The following RBFOX1 variants were observed in gnomAD, a reference collection of about 807,000 sequenced individuals.
RBFOX1 encodes the protein RNA binding protein fox-1 homolog 1.
RBFOX1 carries 8 observed loss-of-function variants against 57.7 expected under a neutral mutation model. The observed-to-expected ratio is 0.14, with a 90% confidence interval of 0.08 to 0.25. The LOEUF is 0.25. RBFOX1 is among the 10% of genes least tolerant of loss of function. The pLI is 1.00. For missense variants in RBFOX1, 611 were observed against 548.5 expected, an observed-to-expected ratio of 1.11 and a Z score of -1.14; for synonymous variants, 326 against 222.4, an observed-to-expected ratio of 1.47 and a Z score of -4.15.
At chr16:5,477,624 A>G (rs369704349) in intron 2 of RBFOX1, among the ~76,000 whole-genome samples, 41 of 152,346 alleles carry the variant, frequency 2.7e-4, no homozygotes, top group African/African-American at 8.7e-4. Context: ...TATTTGATCC[A>G]TAGTCAGTAT....
At chr16:6,886,441 G>A (rs1363290116) in intron 3 of RBFOX1, among the ~76,000 whole-genome samples, 2 of 151,980 alleles carry the variant, frequency 1.3e-5, no homozygotes, top group African/African-American at 2.4e-5. Flanking sequence ...GATTGCAAAG[G>A]CATTCCAATT....
intron 4 of RBFOX1, among the ~76,000 whole-genome samples, chr16:7,444,245 A>T (rs772933122): frequency 2.5e-4 from 38 of 152,168 alleles, no homozygotes; most frequent in Non-Finnish European, 4.9e-4. Context: ...TCTATGTTCT[A>T]ACCTGTTTCC....
chr16:5,761,619 T>C (rs889865401), intron 3 of RBFOX1, among the ~76,000 whole-genome samples: 2 of 152,130 alleles, frequency 1.3e-5, no homozygotes, highest in African/African-American at 4.8e-5. Context: ...GAGAACTCAC[T>C]ATCACAAGAA....
intron 3 of RBFOX1, among the ~76,000 whole-genome samples, chr16:6,700,114 C>T (rs1041458832): frequency 1.3e-5 from 2 of 152,002 alleles, no homozygotes; most frequent in African/African-American, 4.8e-5. Context: ...CAGGTGGGTA[C>T]CTGGAAATTG....
chr16:6,573,426 C>G (rs2097373257), intron 2 of RBFOX1, among the ~76,000 whole-genome samples: 1 of 152,166 alleles, frequency 6.6e-6, no homozygotes, highest in Admixed American at 6.5e-5. Flanking sequence ...AGTAAGAAAA[C>G]TGCTGGAAAG....
intron 3 of RBFOX1, among the ~76,000 whole-genome samples, chr16:6,986,440 C>T (rs990320024): frequency 6.6e-6 from 1 of 151,942 alleles, no homozygotes; most frequent in East Asian, 1.9e-4. Context: ...CTCAAGTGAT[C>T]CCCCTGCCTC....
intron 1 of RBFOX1, among the ~76,000 whole-genome samples, chr16:5,285,255 C>T (rs1286803445): frequency 6.6e-6 from 1 of 152,126 alleles, no homozygotes; most frequent in Non-Finnish European, 1.5e-5. Flanking sequence ...TGTCAGTTAT[C>T]TTTTGTATTT....
intron 4 of RBFOX1, among the ~76,000 whole-genome samples, chr16:7,228,360 A>G (rs2093283623): frequency 6.6e-6 from 1 of 151,912 alleles, no homozygotes; most frequent in African/African-American, 2.4e-5. Flanking sequence ...TTCTCCTACT[A>G]CCCCCCGCTG....
chr16:5,978,095 G>T (rs1177955840), intron 4 of RBFOX1, among the ~76,000 whole-genome samples: 2 of 123,392 alleles, frequency 1.6e-5, no homozygotes, highest in African/African-American at 6.2e-5. Context: ...TTTAAGACCA[G>T]GCTGGGCATC....
chr16:5,856,892 C>G (rs988470238), intron 3 of RBFOX1, among the ~76,000 whole-genome samples: 1 of 152,030 alleles, frequency 6.6e-6, no homozygotes. Flanking sequence ...GGCTGTTTCA[C>G]TTTCTTATCA....
chr16:7,333,057 C>T lies in RBFOX1; in HGVS notation c.28-185090C>T, dbSNP rs376061440. On this transcript the variant is annotated intron_variant, in intron 4 of 15. Transcript: ENST00000550418. ...CCTTATGGCGTGCCTATGATTGTACCGGCAGCTCCTTACCTTCCTGGACTG... is the reference window on the plus strand; with the variant it reads ...CCTTATGGCGTGCCTATGATTGTACTGGCAGCTCCTTACCTTCCTGGACTG... 23 of 1,613,848 alleles carry T rather than the reference C, an allele frequency of 1.4e-5. No individual in the cohort carries two copies. The highest frequency in any genetic ancestry group is 5.3e-5 in the African/African-American group (4 of 74,990).
intron 4 of RBFOX1, among the ~76,000 whole-genome samples, chr16:7,318,692 C>A (rs2096489478): frequency 1.3e-5 from 2 of 152,076 alleles, no homozygotes; most frequent in African/African-American, 4.8e-5. Context: ...AAAAAGGTAC[C>A]TAGTGGCTTC....
chr16:7,158,641 TGTG>T, intron 4 of RBFOX1, among the ~76,000 whole-genome samples: 1 of 151,994 alleles, frequency 6.6e-6, no homozygotes, highest in East Asian at 1.9e-4. Context: ...GTGTGTGTTT[TGTG>T]GTGTGTCTAT....
intron 4 of RBFOX1, among the ~76,000 whole-genome samples, chr16:7,219,292 C>G (rs1016421005): frequency 2.0e-5 from 3 of 152,182 alleles, no homozygotes; most frequent in Non-Finnish European, 4.4e-5. Flanking sequence ...AAGTTAAGGA[C>G]TGTAAGACAC....
At chr16:7,258,810 T>C (rs541618018) in intron 4 of RBFOX1, among the ~76,000 whole-genome samples, 2 of 152,300 alleles carry the variant, frequency 1.3e-5, no homozygotes, top group South Asian at 4.1e-4. Flanking sequence ...CTCTAACTGA[T>C]GTCATTTCAT....
intron 2 of RBFOX1, among the ~76,000 whole-genome samples, chr16:6,560,392 G>A (rs13337027): frequency 0.1 from 13,893 of 139,028 alleles, 2,037 homozygotes; most frequent in African/African-American, 0.32. Flanking sequence ...GGGCCAGTGT[G>A]GGCCTTACTG....
intron 3 of RBFOX1, among the ~76,000 whole-genome samples, chr16:6,974,892 C>T (rs976031797): frequency 9.9e-5 from 15 of 152,166 alleles, no homozygotes; most frequent in South Asian, 8.3e-4. Flanking sequence ...CAAATAGCTG[C>T]GTGAGAAATC....
intron 4 of RBFOX1, among the ~76,000 whole-genome samples, chr16:7,424,272 A>G (rs903490225): frequency 1.5e-5 from 2 of 135,120 alleles, no homozygotes; most frequent in Admixed American, 7.2e-5. Context: ...ATATACATAT[A>G]TATGGGGGTG....
intron 2 of RBFOX1, among the ~76,000 whole-genome samples, chr16:6,481,604 G>C (rs947880684): frequency 6.6e-6 from 1 of 152,174 alleles, no homozygotes; most frequent in African/African-American, 2.4e-5. Flanking sequence ...CTCTGTAATT[G>C]TACAGGGTTC....
Sources: allele counts gnomAD v4.1 joint callset (sites outside exome capture counted in the v4.1 genomes callset), GRCh38; gene constraint gnomAD v4.1.1; transcripts MANE v1.5; gene names NCBI Gene and HGNC (gene_info 2026-07-23, HGNC 2026-07-21).